The following SPEG variants were observed in gnomAD, a reference collection of about 807,000 sequenced individuals.
The protein encoded by SPEG is striated muscle enriched protein kinase, also known as striated muscle preferentially expressed protein kinase.
SPEG carries 114 observed loss-of-function variants against 300.4 expected under a neutral mutation model. That is an observed-to-expected ratio of 0.38 (90% CI 0.33 to 0.44). The LOEUF is 0.44. Ranked by LOEUF, SPEG falls within the 20% of genes least tolerant of loss-of-function variation. SPEG has a pLI of 1.00. For synonymous variants in SPEG, 1,964 were observed against 2,018.9 expected, an observed-to-expected ratio of 0.97 and a Z score of 0.73; for missense variants, 4,201 against 4,586.2, an observed-to-expected ratio of 0.92 and a Z score of 2.43.
Position 219,480,666 on chromosome 2 carries a change from C to T in SPEG, c.5343-5C>T, listed in dbSNP as rs1692730450. On this transcript the variant is annotated splice_region_variant and splice_polypyrimidine_tract_variant and intron_variant, in intron 25 of 40. Coordinates refer to ENST00000312358, the MANE Select transcript of SPEG (RefSeq NM_005876.5). This position sits in a 1 kb window ranked among gnomAD's most constrained non-coding sequence, Gnocchi z 5.3. ...CTCTTACCTATCACTCTCCTTTTCC[C>T]ACAGGCCTGTGGGTGTTGTTGCCTT... is the stretch of plus-strand genomic sequence containing the variant. 4 of 1,613,964 alleles carry T rather than the reference C, an allele frequency of 2.5e-6. No homozygotes were observed. The East Asian group carries it at 8.9e-5, about 36-fold the overall frequency.
chr2:219,462,367 C>A lies in SPEG; in HGVS notation c.2686C>A (p.Pro896Thr). Residue 896 changes from proline to threonine, a missense_variant, in exon 8 of 41, where the codon CCC becomes ACC. By Grantham distance (38) the Pro-to-Thr change is conservative. Transcript: ENST00000312358. ...CATGAGCATCCGCGTGCAGGGGGAG[C>A]CCAAGCCTGTGGTCTCCTGGTGAGT... ...VIMSIRVQGEPKPVVSWLRNR... is the reference protein window; with the variant it reads ...VIMSIRVQGETKPVVSWLRNR... 4 of 1,562,230 alleles carry A rather than the reference C, an allele frequency of 2.6e-6. No homozygotes were observed. Among genetic ancestry groups the A allele is most frequent in the Non-Finnish European group, 3.5e-6 (4 of 1,152,566 alleles).
Position 219,479,094 on chromosome 2 carries a change from T to TGGGCC in SPEG, c.5028-45_5028-41dup, listed in dbSNP as rs1692597831. On this transcript the variant is annotated intron_variant, in intron 22 of 40. Transcript: ENST00000312358. The surrounding 1 kb of genome is among the most constrained non-coding windows in gnomAD (Gnocchi z 5.5). ...CTGGGACCTGCCCTGAGCGCTGGGC[T>TGGGCC]GGGCCGGGCAGTTGGCACTGGGCAC... 1 of 1,562,118 alleles carries TGGGCC rather than the reference T, an allele frequency of 6.4e-7. No individual in the cohort carries two copies. The highest frequency in any genetic ancestry group is 1.4e-5 in the African/African-American group (1 of 73,998).
Position 219,478,089 on chromosome 2 carries a change from G to A in SPEG, c.5011G>A (p.Val1671Ile). The A allele has an allele frequency of 1.2e-6, 2 of 1,613,966 alleles. No homozygotes were observed. Among genetic ancestry groups the A allele is most frequent in the South Asian group, 2.2e-5 (2 of 91,084 alleles). Residue 1671 changes from valine (V) to isoleucine (I), a missense_variant, in exon 22 of 41, where the codon GTC (valine) becomes ATC (isoleucine). Coordinates refer to ENST00000312358, the MANE Select transcript of SPEG (RefSeq NM_005876.5). The stretch of plus-strand genomic sequence containing the variant: ...GGCCTTCGAGAGGCGCCGGGGACTG[G>A]TCATTGTCACCGAGCTGTATCCTGG... ...HEAFERRRGL[V>I]IVTELCTEEL...
In SPEG at chr2:219,492,684, C is replaced by T. The variant is rs1336484520; in HGVS notation, c.9702C>T (p.Thr3234=). ...TGCGCCGCCAGACGCTCACCTTCAC[C>T]ACCAACCGGCTCAAGGAGTTCCTGG... ...MKLRRQTLTF[T]TNRLKEFLGE... is the part of the protein sequence containing the mutation. The change falls in exon 41 of 41, where the codon ACC becomes ACT. Residue 3234 remains threonine, a synonymous_variant. Coordinates refer to ENST00000312358, the MANE Select transcript of SPEG (RefSeq NM_005876.5). 14 of 1,610,086 alleles carry T rather than the reference C, an allele frequency of 8.7e-6. No homozygotes were observed. The highest frequency in any genetic ancestry group is 4.0e-5 in the African/African-American group (3 of 75,062).
chr2:219,475,885 A>T (rs1385567759), intron 18 of SPEG, among the ~76,000 whole-genome samples: 1 of 152,118 alleles, frequency 6.6e-6, no homozygotes, highest in African/African-American at 2.4e-5. Context: ...ACCTCACTGC[A>T]GTGTCTTCCC....
chr2:219,443,256 G>C lies in SPEG; in HGVS notation c.389-1397G>C, dbSNP rs1238357855. 8.7e-7 allele frequency: 1 copy of C among 1,148,466 alleles called. No homozygotes were observed. Among genetic ancestry groups the C allele is most frequent in the Admixed American group, 1.7e-5 (1 of 59,340 alleles). The allele number at this position is 1,148,466 out of a possible 1,614,324, so 71.1% of individuals were successfully genotyped here. ...TCCTGAAGACAGCCCATGAGATGTG[G>C]AACCCTCCCACTCACCCCCACACTT... On this transcript the variant is annotated intron_variant, in intron 1 of 40. Coordinates refer to ENST00000312358, the MANE Select transcript of SPEG (RefSeq NM_005876.5). The surrounding 1 kb of genome is among the most constrained non-coding windows in gnomAD (Gnocchi z 4.6).
At position 219,473,142 on chromosome 2, in the gene SPEG, TG is replaced by T. The variant is rs763881254; in HGVS notation, c.4147+50del. Reference sequence around the variant, plus strand: ...CGGGTGGGGGTGGGAGCTGCTGGGATGGGGAATGGGGGCCCTGTGGTGGAGG... The same window carrying T: ...CGGGTGGGGGTGGGAGCTGCTGGGATGGGAATGGGGGCCCTGTGGTGGAGG... On this transcript the variant is annotated intron_variant, in intron 16 of 40. Transcript: ENST00000312358. This position sits in a 1 kb window ranked among gnomAD's most constrained non-coding sequence, Gnocchi z 4.6. The T allele has an allele frequency of 6.4e-7, 1 of 1,555,740 alleles. No homozygotes were observed. Among genetic ancestry groups the T allele is most frequent in the South Asian group, 1.1e-5 (1 of 87,082 alleles).
In SPEG at chr2:219,472,906, G is replaced by C. The variant is rs187561391; in HGVS notation, c.3957G>C (p.Thr1319=). The change falls in exon 16 of 41, where the codon ACG becomes ACC. Residue 1319 remains threonine (T), a synonymous_variant. Transcript: ENST00000312358. ...LDMAIDPDSL[T]YTVQHQVLGS... is the part of the protein sequence containing the mutation. ...TCCCGCCAGACCCGGACTCCCTGACGTACACAGTGCAGCACCAGGTGCTGG... is the reference window on the plus strand; with the variant it reads ...TCCCGCCAGACCCGGACTCCCTGACCTACACAGTGCAGCACCAGGTGCTGG... 5.0e-6 allele frequency: 8 copies of C among 1,602,808 alleles called. No homozygotes were observed. The highest frequency in any genetic ancestry group is 6.0e-6 in the Non-Finnish European group (7 of 1,172,386).
At chr2:219,468,460 C>T in intron 10 of SPEG, 118 bp from the exon 11 acceptor site, 2 of 1,189,934 alleles carry the variant, frequency 1.7e-6, no homozygotes, top group South Asian at 1.5e-5. Flanking sequence ...TACCCAGAGC[C>T]TTTGCTGGGC....
At chr2:219,469,744 G>T (rs116057360) in intron 13 of SPEG, among the ~76,000 whole-genome samples, 1 of 152,300 alleles carries the variant, frequency 6.6e-6, no homozygotes, top group East Asian at 1.9e-4. Flanking sequence ...CCAGAGCAGG[G>T]CCTGGCACCT....
intron 9 of SPEG, chr2:219,466,152 C>A: frequency 6.5e-7 from 1 of 1,537,926 alleles, no homozygotes. Flanking sequence ...TGTTTCACTG[C>A]CTCCTGCCCA....
Position 219,484,941 on chromosome 2 carries a change from G to C in SPEG, c.7478G>C (p.Arg2493Thr). ...ACGCCGCTGTTCGGACGGCTTCGCA[G>C]GGCCACGTCCGAGGGCGAGAGTCTG... ...RSTPLFGRLR[R>T]ATSEGESLRR... Residue 2493 changes from arginine to threonine, a missense_variant, in exon 30 of 41, where the codon AGG becomes ACG. Transcript: ENST00000312358. 2 of 1,529,232 alleles carry C rather than the reference G, an allele frequency of 1.3e-6. No homozygotes were observed. The highest frequency in any genetic ancestry group is 4.9e-5 in the East Asian group (2 of 40,424). 94.7% of individuals were successfully genotyped at this position (1,529,232 alleles called of 1,614,324 possible).
chr2:219,486,576 C>T (rs559982787), intron 31 of SPEG, among the ~76,000 whole-genome samples: 1 of 152,284 alleles, frequency 6.6e-6, no homozygotes, highest in African/African-American at 2.4e-5. Context: ...GGCCTGGGGA[C>T]AGCTGATCCC....
chr2:219,489,974 G>A (rs1189754900), intron 36 of SPEG, 35 bp downstream of exon 36: 1 of 1,527,380 alleles, frequency 6.5e-7, no homozygotes, highest in African/African-American at 1.4e-5. Flanking sequence ...AGGACAGAGG[G>A]GAGTGGGCCA....
intron 31 of SPEG, among the ~76,000 whole-genome samples, chr2:219,486,689 A>G (rs1330859559): frequency 6.6e-6 from 1 of 152,040 alleles, no homozygotes; most frequent in Non-Finnish European, 1.5e-5. Context: ...CCCTGCAGAA[A>G]CAAGGCTGTC....
chr2:219,466,186 A>ACCCGTC (rs1243841221), intron 9 of SPEG: 2 of 1,490,038 alleles, frequency 1.3e-6, no homozygotes, highest in African/African-American at 2.8e-5. Context: ...GCCGGCCCGG[A>ACCCGTC]CCCGTCCCAG....
At chr2:219,449,394 C>A in intron 4 of SPEG, 123 bp downstream of exon 4, 1 of 744,080 alleles carries the variant, frequency 1.3e-6, no homozygotes, top group Non-Finnish European at 1.9e-6. Flanking sequence ...TAGCCAGCTG[C>A]AAGGGTGGGT....
At position 219,473,171 on chromosome 2, in the gene SPEG, C is replaced by T. The variant is rs1692042877; in HGVS notation, c.4147+75C>T. 2.4e-5 allele frequency: 34 copies of T among 1,408,764 alleles called. 1 individual carries two copies. In the South Asian group the frequency reaches 3.8e-4, roughly 16 times the overall value. 87.3% of individuals were successfully genotyped at this position (1,408,764 alleles called of 1,614,324 possible). ...GAATGGGGGCCCTGTGGTGGAGGCT[C>T]AAGGGATGGCCTGGACATGGTAACT... On this transcript the variant is annotated intron_variant, in intron 16 of 40. Coordinates refer to ENST00000312358, the MANE Select transcript of SPEG (RefSeq NM_005876.5). The surrounding 1 kb of genome is among the most constrained non-coding windows in gnomAD (Gnocchi z 4.6).
chr2:219,473,814 G>A lies in SPEG; in HGVS notation c.4358G>A (p.Arg1453Gln), dbSNP rs766867338. The A allele has an allele frequency of 2.2e-5, 36 of 1,613,766 alleles. No individual in the cohort carries two copies. Among genetic ancestry groups the A allele is most frequent in the Middle Eastern group, 1.6e-4 (1 of 6,084 alleles). Reference protein sequence around the residue: ...DDDQYCLRICRVSRRDMGALT... With the variant: ...DDDQYCLRICQVSRRDMGALT... Reference sequence around the variant, plus strand: ...GACCAGTACTGTCTTCGGATCTGCCGGGTGAGCCGCCGGGACATGGGGGCC... The same window carrying A: ...GACCAGTACTGTCTTCGGATCTGCCAGGTGAGCCGCCGGGACATGGGGGCC... Residue 1453 changes from arginine to glutamine, a missense_variant, in exon 18 of 41, where the codon CGG (arginine) becomes CAG (glutamine). This residue lies in a region of SPEG where 1,047 missense variants were observed against 1,356.8 expected (regional missense o/e 0.77). Transcript: ENST00000312358. This position sits in a 1 kb window ranked among gnomAD's most constrained non-coding sequence, Gnocchi z 4.6.
Sources: gnomAD v4.1 joint callset for allele counts (sites outside exome capture counted in the v4.1 genomes callset) on GRCh38, gnomAD v4.1.1 for gene constraint, gnomAD v4.1.1 regional missense constraint, Gnocchi (gnomAD v3.1) non-coding constraint, MANE v1.5 for transcripts, NCBI Gene and HGNC (gene_info 2026-07-23, HGNC 2026-07-21) for gene names.